NFKBIZ: variants seen among roughly 807,000 people sequenced by gnomAD.
NFKBIZ encodes the protein NF-kappa-B inhibitor zeta.
In NFKBIZ, 19 loss-of-function variants were observed where a neutral mutation model predicts 76.8. The observed-to-expected ratio is 0.25, with a 90% CI of 0.17 to 0.36. The LOEUF (loss-of-function observed/expected upper bound fraction) is 0.36. NFKBIZ is among the 10% of genes least tolerant of loss of function. The pLI is 1.00. For synonymous variants in NFKBIZ, 368 were observed against 354.8 expected, an observed-to-expected ratio of 1.04 and a Z score of -0.42; for missense variants, 829 against 910.9, an observed-to-expected ratio of 0.91 and a Z score of 1.16.
intron 11 of NFKBIZ, chr3:101,858,362 A>G (rs541359742): frequency 2.0e-6 from 2 of 977,036 alleles, no homozygotes; most frequent in Non-Finnish European, 2.4e-6. Context: ...AGAACTTTAC[A>G]AGTTTCAAGT....
At chr3:101,842,289 T>C (rs1942794999) in intron 2 of NFKBIZ, among the ~76,000 whole-genome samples, 1 of 152,182 alleles carries the variant, frequency 6.6e-6, no homozygotes, top group Admixed American at 6.5e-5. Flanking sequence ...GTCTCAGAGC[T>C]GTGGGAAACT....
chr3:101,850,189 C>T (rs1038070709), intron 1 of NFKBIZ: 3 of 380,242 alleles, frequency 7.9e-6, no homozygotes, highest in Non-Finnish European at 1.4e-5. Context: ...GGCGAGTGAC[C>T]AGGAGATCGC....
intron 11 of NFKBIZ, 53 bp from the exon 12 acceptor site, chr3:101,859,265 C>A: frequency 7.1e-7 from 1 of 1,403,654 alleles, no homozygotes. Flanking sequence ...AGGAAATACA[C>A]CACATTGGCC....
Position 101,855,379 on chromosome 3 carries a change from T to C in NFKBIZ, c.1591-16T>C. On this transcript the variant is annotated splice_polypyrimidine_tract_variant and intron_variant, in intron 7 of 11. Coordinates refer to ENST00000326172, the MANE Select transcript of NFKBIZ (RefSeq NM_031419.4). ...AGCTTATGTAGCTAACAGATGTCTG[T>C]TTTTAAAATCTGCAGGCGATTCAGA... is the stretch of plus-strand genomic sequence containing the variant. 6.2e-7 allele frequency: 1 copy of C among 1,614,074 alleles called. No homozygotes were observed. The highest frequency in any genetic ancestry group is 1.1e-5 in the South Asian group (1 of 91,086).
At chr3:101,833,321 A>C (rs182791257) in intron 2 of NFKBIZ, among the ~76,000 whole-genome samples, 54 of 152,224 alleles carry the variant, frequency 3.5e-4, no homozygotes, top group Non-Finnish European at 6.6e-4. Flanking sequence ...TGAAGATAGG[A>C]ATTGTGTGAG....
chr3:101,850,152 A>C, intron 1 of NFKBIZ: 1 of 402,586 alleles, frequency 2.5e-6, no homozygotes, highest in Non-Finnish European at 4.4e-6. Context: ...GGGCTTCAGA[A>C]ACCGCTCGGC....
Position 101,857,189 on chromosome 3 carries a change from C to T in NFKBIZ, c.1935+6C>T, listed in dbSNP as rs1350401033. 7.2e-6 allele frequency: 1 copy of T among 139,742 alleles called. No homozygotes were observed. The highest frequency in any genetic ancestry group is 1.0e-5 in the Non-Finnish European group (1 of 96,260). The allele number at this position is 139,742 out of a possible 1,614,324, so 8.7% of individuals were successfully genotyped here. A position where few individuals can be genotyped will look rare whatever the true frequency, so the allele number is the denominator to read the frequency against. On this transcript the variant is annotated splice_donor_region_variant and intron_variant, in intron 10 of 11. Coordinates refer to ENST00000326172, the MANE Select transcript of NFKBIZ (RefSeq NM_031419.4). ...TGTCTTTTGTGAATGCAAAGGTACA[C>T]CAGAGTTGGAATGGCCTTCTGTACA...
intron 2 of NFKBIZ, among the ~76,000 whole-genome samples, chr3:101,831,674 C>T (rs1258039912): frequency 6.6e-6 from 1 of 151,752 alleles, no homozygotes; most frequent in Non-Finnish European, 1.5e-5. Context: ...GAATCTCCCT[C>T]TGTCGCCCAT....
At position 101,860,546 on chromosome 3, in the gene NFKBIZ, G is replaced by C. The variant is rs1187365407; in HGVS notation, c.*1175G>C. 1.3e-5 allele frequency: 2 copies of C among 151,974 alleles called. No individual in the cohort carries two copies. Among genetic ancestry groups the C allele is most frequent in the Non-Finnish European group, 2.9e-5 (2 of 67,980 alleles). The allele number at this position is 151,974 out of a possible 1,614,324, so 9.4% of individuals were successfully genotyped here. On this transcript the variant is annotated 3_prime_UTR_variant, in exon 12 of 12. Transcript: ENST00000326172. The stretch of plus-strand genomic sequence containing the variant: ...GAATTTCTAATTTATGTGTTCTGTT[G>C]AAATTTTTGTTTTTTTACCTTTATT...
At chr3:101,842,711 G>A (rs1942802688) in intron 2 of NFKBIZ, among the ~76,000 whole-genome samples, 1 of 151,350 alleles carries the variant, frequency 6.6e-6, no homozygotes, top group Non-Finnish European at 1.5e-5. Context: ...CACCCCTGGT[G>A]TGGAGGAATT....
At chr3:101,841,290 T>A (rs1014671611) in intron 2 of NFKBIZ, among the ~76,000 whole-genome samples, 1 of 152,236 alleles carries the variant, frequency 6.6e-6, no homozygotes. Flanking sequence ...ACTTACTAAC[T>A]ACAGCTGTCT....
At chr3:101,839,243 C>T (rs1942759521) in intron 2 of NFKBIZ, among the ~76,000 whole-genome samples, 1 of 151,960 alleles carries the variant, frequency 6.6e-6, no homozygotes, top group African/African-American at 2.4e-5. Flanking sequence ...ACAAAAAAAC[C>T]TCAAGTTTTA....
At chr3:101,855,957 A>G in intron 9 of NFKBIZ, 55 bp downstream of exon 9, 1 of 1,465,460 alleles carries the variant, frequency 6.8e-7, no homozygotes, top group Non-Finnish European at 9.2e-7. Flanking sequence ...GTTATATAGC[A>G]AAAGACCTTG....
In NFKBIZ at chr3:101,849,642, A is replaced by C; in HGVS notation, c.14A>C (p.Lys5Thr). 7.2e-7 allele frequency: 1 copy of C among 1,380,782 alleles called. No homozygotes were observed. Among genetic ancestry groups the C allele is most frequent in the Admixed American group, 3.5e-5 (1 of 28,396 alleles). The allele number at this position is 1,380,782 out of a possible 1,614,324, so 85.5% of individuals were successfully genotyped here. ...CAGCCTGGGAGCATGATTGTGGACAAGCTGCTGGACGACAGCCGCGGCGGA... is the reference window on the plus strand; with the variant it reads ...CAGCCTGGGAGCATGATTGTGGACACGCTGCTGGACGACAGCCGCGGCGGA... Reference protein sequence around the residue: MIVDKLLDDSRGGEG... With the variant: MIVDTLLDDSRGGEG... Residue 5 changes from lysine to threonine, a missense_variant, in exon 1 of 12, where the codon AAG (lysine) becomes ACG (threonine). Physicochemically the swap from Lys to Thr is moderately conservative, Grantham distance 78 (BLOSUM62 -1). Around this residue, in one of 4 missense-constraint regions of NFKBIZ, gnomAD observed 181 missense variants for 175.3 expected, o/e 1.03. Coordinates refer to ENST00000326172, the MANE Select transcript of NFKBIZ (RefSeq NM_031419.4).
chr3:101,839,885 C>T (rs987992819), intron 2 of NFKBIZ, among the ~76,000 whole-genome samples: 77 of 152,136 alleles, frequency 5.1e-4, no homozygotes, highest in African/African-American at 1.7e-3. Flanking sequence ...GAGATCCTTT[C>T]CCAGAGCATG....
At chr3:101,847,216 T>A (rs1942864395), upstream of NFKBIZ, among the ~76,000 whole-genome samples, 1 of 152,254 alleles carries the variant, frequency 6.6e-6, no homozygotes, top group South Asian at 2.1e-4. Context: ...CATGCCTTAA[T>A]CCAGTCGAAT....
chr3:101,849,543 A>C lies in NFKBIZ; in HGVS notation c.-86A>C. 1 of 1,166,782 alleles carries C rather than the reference A, an allele frequency of 8.6e-7. No homozygotes were observed. The highest frequency in any genetic ancestry group is 3.3e-5 in the East Asian group (1 of 30,192). The allele number at this position is 1,166,782 out of a possible 1,614,324, so 72.3% of individuals were successfully genotyped here. ...TGGCCCGCGCCGTCCGCCCGCCGAC[A>C]GCTCCCTGAGCCAGCCCGGGAGGCA... On this transcript the variant is annotated 5_prime_UTR_variant, in exon 1 of 12. Coordinates refer to ENST00000326172, the MANE Select transcript of NFKBIZ (RefSeq NM_031419.4).
At chr3:101,855,008 T>G in intron 6 of NFKBIZ, 54 bp from the exon 7 acceptor site, 1 of 1,523,684 alleles carries the variant, frequency 6.6e-7, no homozygotes, top group Non-Finnish European at 8.8e-7. Context: ...TCATATTCCT[T>G]GTTATGATAA....
rs763381752 is a variant in NFKBIZ at position 101,855,063 on chromosome 3, G to A, written c.1445G>A (p.Ser482Asn). The A allele has an allele frequency of 6.2e-7, 1 of 1,602,474 alleles. No homozygotes were observed. The highest frequency in any genetic ancestry group is 8.5e-7 in the Non-Finnish European group (1 of 1,176,470). Reference protein sequence around the residue: ...MLDIKEHNGQSAFQVAVAANQ... With the variant: ...MLDIKEHNGQNAFQVAVAANQ... ...CTTTTTTCCTCTGGATATCCACAGAGTGCCTTTCAGGTGGCAGTGGCTGCC... is the reference window on the plus strand; with the variant it reads ...CTTTTTTCCTCTGGATATCCACAGAATGCCTTTCAGGTGGCAGTGGCTGCC... The change falls in exon 7 of 12, where the codon AGT becomes AAT. Residue 482 changes from serine (S) to asparagine (N), a missense_variant and splice_region_variant. Transcript: ENST00000326172.
Sources: allele counts gnomAD v4.1 joint callset (sites outside exome capture counted in the v4.1 genomes callset), GRCh38; gene constraint gnomAD v4.1.1; regional missense constraint gnomAD v4.1.1; transcripts MANE v1.5; gene names NCBI Gene and HGNC (gene_info 2026-07-23, HGNC 2026-07-21).